Variants in HACL1 observed in about 807,000 individuals in gnomAD.
The protein encoded by HACL1 is 1600020H07Rik.
In HACL1, 64 loss-of-function variants were observed where a neutral mutation model predicts 74.2. That is an observed-to-expected ratio of 0.86 (90% CI 0.70 to 1.06). HACL1 has a LOEUF of 1.06. Among genes scored for constraint, HACL1 ranks in the 50% least tolerant of loss-of-function variants. The pLI, the probability that HACL1 is intolerant of heterozygous loss-of-function variation, is 0.00. For synonymous variants in HACL1, 230 were observed against 238.8 expected, an observed-to-expected ratio of 0.96 and a Z score of 0.34; for missense variants, 728 against 719.7, an observed-to-expected ratio of 1.01 and a Z score of -0.13.
chr3:15,570,950 T>C (rs2063517879), intron 12 of HACL1, among the ~76,000 whole-genome samples: 1 of 150,806 alleles, frequency 6.6e-6, no homozygotes, highest in Non-Finnish European at 1.5e-5. Flanking sequence ...GATTTAAGGA[T>C]TCAAAAAAAA....
intron 14 of HACL1, among the ~76,000 whole-genome samples, chr3:15,566,496 A>G (rs573856868): frequency 2.0e-5 from 3 of 152,300 alleles, no homozygotes; most frequent in African/African-American, 7.2e-5. Context: ...TCTACAAAAA[A>G]ATACAAAAAA....
At chr3:15,592,528 A>ATGTGTG (rs2063956423) in intron 3 of HACL1, among the ~76,000 whole-genome samples, 4 of 144,930 alleles carry the variant, frequency 2.8e-5, no homozygotes, top group South Asian at 2.1e-4. Flanking sequence ...ATACATATAC[A>ATGTGTG]CATGTATACA....
At chr3:15,579,080 G>A (rs966814641) in intron 9 of HACL1, among the ~76,000 whole-genome samples, 2 of 152,164 alleles carry the variant, frequency 1.3e-5, no homozygotes, top group East Asian at 1.9e-4. Flanking sequence ...TTCACACTTC[G>A]ATTTGTAGTC....
At chr3:15,581,804 T>C (rs2063719918) in intron 8 of HACL1, among the ~76,000 whole-genome samples, 1 of 152,230 alleles carries the variant, frequency 6.6e-6, no homozygotes, top group Non-Finnish European at 1.5e-5. Flanking sequence ...GAACCACTAT[T>C]TCTCTGTATC....
chr3:15,595,673 A>G (rs185149791), intron 3 of HACL1, among the ~76,000 whole-genome samples: 1,551 of 141,242 alleles, frequency 0.011, 29 homozygotes, highest in African/African-American at 0.039. Context: ...GCAGTGGCGC[A>G]ATCTCAGCTC....
intron 15 of HACL1, among the ~76,000 whole-genome samples, chr3:15,564,251 C>T (rs1310532324): frequency 1.3e-5 from 2 of 152,212 alleles, no homozygotes; most frequent in Non-Finnish European, 2.9e-5. Flanking sequence ...AATCAGTAGT[C>T]CTACTATTGC....
chr3:15,592,128 ACATACGTGTATATATG>A, intron 3 of HACL1, among the ~76,000 whole-genome samples: 1 of 149,306 alleles, frequency 6.7e-6, no homozygotes, highest in Non-Finnish European at 1.5e-5. Context: ...ATATACGTAT[ACATACGTGTATATATG>A]TATACATACG....
rs780530350 is a variant in HACL1 at position 15,567,901 on chromosome 3, C to G, written c.1352G>C (p.Cys451Ser). 6.8e-6 allele frequency: 11 copies of G among 1,614,018 alleles called. No homozygotes were observed. The South Asian group carries it at 1.2e-4, about 18-fold the overall frequency. The change falls in exon 14 of 17, where the codon TGT (cysteine) becomes TCT (serine). Residue 451 changes from cysteine (C) to serine (S), a missense_variant. Coordinates refer to ENST00000321169, the MANE Select transcript of HACL1 (RefSeq NM_012260.4). ...KDRSPGQWIICVEGDSAFGFS... is the reference protein window; with the variant it reads ...KDRSPGQWIISVEGDSAFGFS... ...CCCAAATGCACTGTCTCCTTCCACA[C>G]AGATGATCCATTGCCCAGGGCTTCT...
Position 15,596,416 on chromosome 3 carries a change from A to G in HACL1, c.195T>C (p.Tyr65=), listed in dbSNP as rs753271264. Residue 65 remains tyrosine, a synonymous_variant, in exon 3 of 17, where the codon TAT becomes TAC. Coordinates refer to ENST00000321169, the MANE Select transcript of HACL1 (RefSeq NM_012260.4). ...IGMRNEQAAC[Y]AASAIGYLTS... ...TCAGATATCCAATCGCGGAGGCAGC[A>G]TAACAAGCCTACGAGAAAACAACAC... The G allele has an allele frequency of 1.4e-5, 23 of 1,598,840 alleles. No individual in the cohort carries two copies. The highest frequency in any genetic ancestry group is 8.6e-6 in the Non-Finnish European group (10 of 1,166,258).
At chr3:15,573,831 G>C (rs954624958) in intron 10 of HACL1, among the ~76,000 whole-genome samples, 1 of 152,188 alleles carries the variant, frequency 6.6e-6, no homozygotes, top group African/African-American at 2.4e-5. Context: ...TCCATGTCTG[G>C]ATGGCCATGG....
chr3:15,571,826 T>A (rs1393827273), intron 11 of HACL1, 57 bp from the exon 12 acceptor site: 3 of 444,268 alleles, frequency 6.8e-6, no homozygotes, highest in South Asian at 2.1e-5. Flanking sequence ...TTGCCTTTTT[T>A]TTCTTTTTTT....
At chr3:15,563,215 A>G (rs149673824) in intron 16 of HACL1, 143 bp downstream of exon 16, 10 of 620,230 alleles carry the variant, frequency 1.6e-5, no homozygotes, top group Non-Finnish European at 2.6e-5. Context: ...TTCACTGAAC[A>G]AGTACATGAA....
chr3:15,567,196 G>T (rs958901104), intron 14 of HACL1, among the ~76,000 whole-genome samples: 37 of 136,890 alleles, frequency 2.7e-4, no homozygotes, highest in African/African-American at 9.7e-4. Context: ...TGTCCCACAA[G>T]CCATGCTGCC....
At chr3:15,563,286 G>A (rs1439330106) in intron 16 of HACL1, 72 bp downstream of exon 16, 2 of 992,762 alleles carry the variant, frequency 2.0e-6, no homozygotes, top group African/African-American at 1.6e-5. Flanking sequence ...TGTTCTGTTT[G>A]GTAGATACTT....
chr3:15,569,675 G>C (rs2063491106), intron 12 of HACL1, among the ~76,000 whole-genome samples: 1 of 152,106 alleles, frequency 6.6e-6, no homozygotes, highest in Non-Finnish European at 1.5e-5. Flanking sequence ...TACAAAATTA[G>C]TCAGGCATGG....
intron 12 of HACL1, among the ~76,000 whole-genome samples, chr3:15,570,514 G>A (rs1438811854): frequency 2.0e-5 from 3 of 151,046 alleles, no homozygotes; most frequent in African/African-American, 4.9e-5. Flanking sequence ...AAGAAACACT[G>A]GTGGAATCAC....
chr3:15,569,140 C>T (rs1005862898), intron 12 of HACL1, among the ~76,000 whole-genome samples: 27 of 152,272 alleles, frequency 1.8e-4, no homozygotes, highest in African/African-American at 5.5e-4. Flanking sequence ...GCAAGGTAAA[C>T]GCCTTTGTCT....
intron 2 of HACL1, among the ~76,000 whole-genome samples, chr3:15,599,737 T>C (rs1328272952): frequency 1.3e-5 from 2 of 152,212 alleles, no homozygotes; most frequent in Non-Finnish European, 2.9e-5. Context: ...CTGTAAGTCT[T>C]ACCCTCACCT....
chr3:15,601,363 T>G lies in HACL1; in HGVS notation c.81+20A>C, dbSNP rs1166626033. 1.2e-6 allele frequency: 2 copies of G among 1,613,944 alleles called. No individual in the cohort carries two copies. Among genetic ancestry groups the G allele is most frequent in the Non-Finnish European group, 8.5e-7 (1 of 1,179,948 alleles). ...GCCAGCTTCCGTAGGAGCCTTTCATTCCAGGAAGGTCCATCGTACTTGCGT... is the reference window on the plus strand; with the variant it reads ...GCCAGCTTCCGTAGGAGCCTTTCATGCCAGGAAGGTCCATCGTACTTGCGT... On this transcript the variant is annotated intron_variant, in intron 1 of 16. Coordinates refer to ENST00000321169, the MANE Select transcript of HACL1 (RefSeq NM_012260.4).
Sources: allele counts gnomAD v4.1 joint callset (sites outside exome capture counted in the v4.1 genomes callset), GRCh38; gene constraint gnomAD v4.1.1; transcripts MANE v1.5; gene names NCBI Gene and HGNC (gene_info 2026-07-23, HGNC 2026-07-21).